FAM13A: variants seen among roughly 807,000 people sequenced by gnomAD.
FAM13A encodes the protein family with sequence similarity 13 member A, also known as protein FAM13A.
A neutral mutation model predicts 129.6 loss-of-function variants in FAM13A; 76 were observed. The ratio of observed to expected loss-of-function variants is 0.59; its 90% CI spans 0.49 to 0.71. The LOEUF is 0.71. FAM13A is among the 30% of genes least tolerant of loss of function. The pLI, the probability that FAM13A is intolerant of heterozygous loss-of-function variation, is 0.00. For synonymous variants in FAM13A, 443 were observed against 449.9 expected, an observed-to-expected ratio of 0.98 and a Z score of 0.20; for missense variants, 1,108 against 1,249.3, an observed-to-expected ratio of 0.89 and a Z score of 1.70.
At chr4:88,849,565 C>A (rs1297703908) in intron 7 of FAM13A, among the ~76,000 whole-genome samples, 1 of 152,198 alleles carries the variant, frequency 6.6e-6, no homozygotes, top group African/African-American at 2.4e-5. Flanking sequence ...CTAAAATGAT[C>A]TTTGCATCAG....
chr4:88,881,944 T>TA (rs921025555), intron 6 of FAM13A, among the ~76,000 whole-genome samples: 3 of 151,600 alleles, frequency 2.0e-5, no homozygotes, highest in African/African-American at 4.8e-5. Flanking sequence ...AAAAAGAATT[T>TA]AAAAAAAATG....
intron 4 of FAM13A, among the ~76,000 whole-genome samples, chr4:88,948,995 G>A (rs1453072517): frequency 1.3e-5 from 2 of 152,188 alleles, no homozygotes; most frequent in African/African-American, 4.8e-5. Flanking sequence ...TTTATTCACT[G>A]TAAGTATCAA....
chr4:89,047,846 T>C (rs1206948483), intron 1 of FAM13A, among the ~76,000 whole-genome samples: 1 of 152,078 alleles, frequency 6.6e-6, no homozygotes, highest in Non-Finnish European at 1.5e-5. Flanking sequence ...AGGCAAAAAA[T>C]ATGAAAACAC....
At chr4:88,983,124 C>T (rs1232238848) in intron 4 of FAM13A, among the ~76,000 whole-genome samples, 1 of 152,096 alleles carries the variant, frequency 6.6e-6, no homozygotes, top group Non-Finnish European at 1.5e-5. Flanking sequence ...TTCCTCTGTT[C>T]CTTATAGGTA....
intron 3 of FAM13A, among the ~76,000 whole-genome samples, chr4:88,993,323 T>C (rs1763151313): frequency 1.3e-5 from 2 of 152,232 alleles, no homozygotes; most frequent in African/African-American, 2.4e-5. Flanking sequence ...TTCTTTTTTA[T>C]GGTGACTAAT....
At chr4:88,859,912 C>T (rs1385632004) in intron 6 of FAM13A, among the ~76,000 whole-genome samples, 1 of 152,100 alleles carries the variant, frequency 6.6e-6, no homozygotes, top group Non-Finnish European at 1.5e-5. Flanking sequence ...GTATCTCCTG[C>T]CTGTAAGTCT....
At chr4:88,969,991 T>A (rs2178583) in intron 4 of FAM13A, among the ~76,000 whole-genome samples, 105,439 of 152,156 alleles carry the variant, frequency 0.69, 36,643 homozygotes, top group Middle Eastern at 0.8. Flanking sequence ...ATCTCTGGAT[T>A]CCCAACCAAA....
chr4:88,958,142 G>T (rs950255178), intron 4 of FAM13A, among the ~76,000 whole-genome samples: 4 of 152,144 alleles, frequency 2.6e-5, no homozygotes, highest in Non-Finnish European at 5.9e-5. Flanking sequence ...AGAAATTTGC[G>T]TGACTAAAAG....
intron 10 of FAM13A, among the ~76,000 whole-genome samples, chr4:88,786,724 G>A (rs2869947): frequency 0.27 from 40,902 of 151,358 alleles, 6,329 homozygotes; most frequent in Non-Finnish European, 0.33. Flanking sequence ...TCTCGGTGAG[G>A]TATAGCATGA....
At chr4:89,043,551 GA>G (rs1244527107) in intron 1 of FAM13A, among the ~76,000 whole-genome samples, 5 of 151,806 alleles carry the variant, frequency 3.3e-5, no homozygotes, top group Admixed American at 3.3e-4. Flanking sequence ...GGATGAGTAG[GA>G]AAAAAGGATC....
chr4:88,861,701 G>A (rs1739521012), intron 6 of FAM13A, among the ~76,000 whole-genome samples: 1 of 152,154 alleles, frequency 6.6e-6, no homozygotes, highest in Non-Finnish European at 1.5e-5. Context: ...AGTCTAGCAA[G>A]AAAAGAGGCA....
chr4:89,038,368 G>C (rs1769663819), intron 1 of FAM13A, among the ~76,000 whole-genome samples: 1 of 152,038 alleles, frequency 6.6e-6, no homozygotes. Context: ...AATCTAACAA[G>C]GAATGTATAA....
At chr4:88,810,171 C>A (rs1729388276) in intron 7 of FAM13A, among the ~76,000 whole-genome samples, 1 of 152,014 alleles carries the variant, frequency 6.6e-6, no homozygotes, top group South Asian at 2.1e-4. Flanking sequence ...AGGTATTATT[C>A]TGAAGGCAAA....
intron 8 of FAM13A, among the ~76,000 whole-genome samples, chr4:88,803,281 C>T (rs1434444545): frequency 6.6e-6 from 1 of 152,148 alleles, no homozygotes; most frequent in Non-Finnish European, 1.5e-5. Flanking sequence ...CTTTTTCTAC[C>T]ATAAACGTGG....
At chr4:88,804,927 G>A (rs1728258437) in intron 8 of FAM13A, 84 bp downstream of exon 8, 2 of 757,360 alleles carry the variant, frequency 2.6e-6, no homozygotes, top group South Asian at 3.1e-5. Context: ...TCTATTGAAA[G>A]AGATTAAAAT....
At chr4:89,054,820 C>T (rs1187293677) in intron 1 of FAM13A, among the ~76,000 whole-genome samples, 2 of 152,138 alleles carry the variant, frequency 1.3e-5, no homozygotes, top group African/African-American at 4.8e-5. Flanking sequence ...AAAACACAAC[C>T]TTCATTCCAC....
chr4:88,892,254 A>T (rs1209585188), intron 6 of FAM13A, among the ~76,000 whole-genome samples: 1 of 138,530 alleles, frequency 7.2e-6, no homozygotes, highest in African/African-American at 2.8e-5. Context: ...ATCTCGGCTC[A>T]CTGCAAGCTC....
chr4:88,876,230 T>C (rs537907590), intron 6 of FAM13A, among the ~76,000 whole-genome samples: 13 of 152,104 alleles, frequency 8.5e-5, no homozygotes, highest in Non-Finnish European at 1.8e-4. Flanking sequence ...ACATGGCACA[T>C]GTATACATAT....
At chr4:88,833,101 C>G (rs1415479341) in intron 7 of FAM13A, among the ~76,000 whole-genome samples, 1 of 152,086 alleles carries the variant, frequency 6.6e-6, no homozygotes, top group African/African-American at 2.4e-5. Context: ...GAGCCAGAAG[C>G]CATTATCCAT....
Sources: allele counts gnomAD v4.1 joint callset (sites outside exome capture counted in the v4.1 genomes callset), GRCh38; gene constraint gnomAD v4.1.1; transcripts MANE v1.5; gene names NCBI Gene and HGNC (gene_info 2026-07-23, HGNC 2026-07-21).